Variants in ABRAXAS2 observed in about 807,000 individuals in gnomAD.
ABRAXAS2 encodes the protein abraxas 2, BRISC complex subunit.
Under a neutral mutation model 49.0 loss-of-function variants are expected in ABRAXAS2, and 23 were observed. The ratio of observed to expected loss-of-function variants is 0.47; its 90% CI spans 0.34 to 0.66. The LOEUF is 0.66. ABRAXAS2 is among the 30% of genes least tolerant of loss of function. The pLI, the probability that ABRAXAS2 is intolerant of heterozygous loss-of-function variation, is 0.01. For synonymous variants in ABRAXAS2, 168 were observed against 180.2 expected (o/e 0.93, Z 0.54); for missense variants, 443 against 511.9 (o/e 0.87, Z 1.30).
chr10:124,822,030 G>A (rs1214830862), intron 4 of ABRAXAS2, among the ~76,000 whole-genome samples: 28 of 152,160 alleles, frequency 1.8e-4, no homozygotes, highest in Non-Finnish European at 2.9e-5. Flanking sequence ...ATTTGCTTAA[G>A]GTCATCAGCA....
intron 7 of ABRAXAS2, among the ~76,000 whole-genome samples, 169 bp from the exon 8 acceptor site, chr10:124,831,180 A>T (rs1950929996): frequency 6.6e-6 from 1 of 152,246 alleles, no homozygotes; most frequent in African/African-American, 2.4e-5. Flanking sequence ...ATCAGTGAAT[A>T]ATAACAATTC....
intron 2 of ABRAXAS2, among the ~76,000 whole-genome samples, chr10:124,810,389 T>A (rs1460352424): frequency 2.6e-5 from 4 of 151,960 alleles, no homozygotes; most frequent in Non-Finnish European, 5.9e-5. Flanking sequence ...TAGCCAGGCG[T>A]GGTGTTGTGC....
chr10:124,809,491 G>C (rs866854328), intron 2 of ABRAXAS2, among the ~76,000 whole-genome samples: 30 of 151,756 alleles, frequency 2.0e-4, no homozygotes, highest in African/African-American at 7.0e-4. Context: ...TCTCCATGTT[G>C]GTCGGGCTAG....
chr10:124,832,198 A>G (rs151240889), intron 8 of ABRAXAS2, among the ~76,000 whole-genome samples: 1 of 152,040 alleles, frequency 6.6e-6, no homozygotes, highest in East Asian at 1.9e-4. Flanking sequence ...GGAGCTACCA[A>G]ATATTCTTTT....
chr10:124,805,259 G>C, intron 1 of ABRAXAS2, among the ~76,000 whole-genome samples: 1 of 151,706 alleles, frequency 6.6e-6, no homozygotes, highest in African/African-American at 2.4e-5. Flanking sequence ...CGTGAACCCC[G>C]GGAGGCGGAG....
chr10:124,807,935 A>G (rs904101050), intron 2 of ABRAXAS2, among the ~76,000 whole-genome samples: 1 of 152,188 alleles, frequency 6.6e-6, no homozygotes, highest in Non-Finnish European at 1.5e-5. Context: ...ATTTGTTTAC[A>G]TGGGATATTT....
rs1172126569 is a variant in ABRAXAS2, at chr10:124,829,512, G to C, written c.663+35G>C. ...TTATTTATTAGTTTTCATCTTATTT[G>C]TCTTGCCCAAAAGCTTTTAATTCTA... On this transcript the variant is annotated intron_variant, in intron 7 of 8. Coordinates refer to ENST00000298492, the MANE Select transcript of ABRAXAS2 (RefSeq NM_032182.4). 4 of 1,402,936 alleles carry C rather than the reference G, an allele frequency of 2.9e-6. No individual in the cohort carries two copies. In the African/African-American group the frequency reaches 5.7e-5, roughly 20 times the overall value. 86.9% of individuals were successfully genotyped at this position (1,402,936 alleles called of 1,614,324 possible). A position where few individuals can be genotyped will look rare whatever the true frequency, so the allele number is the denominator to read the frequency against.
Position 124,812,322 on chromosome 10 carries a change from TA to T in ABRAXAS2, c.164-4251del, listed in dbSNP as rs1339823855. Among the ~76,000 whole-genome samples the T allele has an allele frequency of 2.0e-5, 3 of 152,276 alleles. No homozygotes were observed. In the East Asian group the frequency reaches 5.8e-4, roughly 29 times the overall value. On this transcript the variant is annotated intron_variant, in intron 2 of 8. Coordinates refer to ENST00000298492, the MANE Select transcript of ABRAXAS2 (RefSeq NM_032182.4). ...GACAAAACGTTTACTAGTATTATCTTAAATGTGTTGTTCCCATTGTAACATT... is the reference window on the plus strand; with the variant it reads ...GACAAAACGTTTACTAGTATTATCTTAATGTGTTGTTCCCATTGTAACATT...
rs776709234 is a variant in ABRAXAS2 at position 124,826,761 on chromosome 10, A to G, written c.434A>G (p.Tyr145Cys). The change falls in exon 5 of 9, where the codon TAT becomes TGT. Residue 145 changes from tyrosine to cysteine, a missense_variant. Physicochemically the swap from Tyr to Cys is radical, Grantham distance 194. Transcript: ENST00000298492. ...AACAATTCCACTCACGCTTTAGAAT[A>G]TGTGCTCTTCAGACCAAATAGAAGG... Reference protein sequence around the residue: ...TANNSTHALEYVLFRPNRRYN... With the variant: ...TANNSTHALECVLFRPNRRYN... 4 of 1,614,072 alleles carry G rather than the reference A, an allele frequency of 2.5e-6. No homozygotes were observed. The highest frequency in any genetic ancestry group is 2.5e-6 in the Non-Finnish European group (3 of 1,180,042).
At chr10:124,832,863 A>G (rs1386690380) in intron 8 of ABRAXAS2, among the ~76,000 whole-genome samples, 1 of 148,998 alleles carries the variant, frequency 6.7e-6, no homozygotes, top group African/African-American at 2.5e-5. Flanking sequence ...AATAAAATAA[A>G]GAGGCCGGGC....
intron 6 of ABRAXAS2, 141 bp from the exon 7 acceptor site, chr10:124,829,252 G>A: frequency 1.6e-6 from 1 of 633,956 alleles, no homozygotes; most frequent in Non-Finnish European, 2.8e-6. Flanking sequence ...TAATTCTTGT[G>A]GTATGGGCAT....
chr10:124,819,871 C>T (rs1950850743), intron 4 of ABRAXAS2, among the ~76,000 whole-genome samples: 1 of 151,722 alleles, frequency 6.6e-6, no homozygotes, highest in South Asian at 2.1e-4. Context: ...ATATGATGTT[C>T]TAGTTATGTG....
intron 1 of ABRAXAS2, among the ~76,000 whole-genome samples, chr10:124,803,403 C>T (rs890653528): frequency 6.6e-6 from 1 of 152,192 alleles, no homozygotes; most frequent in African/African-American, 2.4e-5. Flanking sequence ...GAAGAACCAA[C>T]AATTTACTTT....
rs560793837 is a variant in ABRAXAS2, at chr10:124,828,361, ATTAT to A, written c.459-375_459-372del. On this transcript the variant is annotated intron_variant, in intron 5 of 8. Transcript: ENST00000298492. ...CCACCACGCATGCCCTTTTTAAAAAATTATTTATTTATTTATTTATTTAGAGATA... is the reference window on the plus strand; with the variant it reads ...CCACCACGCATGCCCTTTTTAAAAAATTATTTATTTATTTATTTAGAGATA... Among the ~76,000 whole-genome samples, 38 of 151,736 alleles carry A rather than the reference ATTAT, an allele frequency of 2.5e-4. No individual in the cohort carries two copies. The South Asian group carries it at 6.3e-3, about 25-fold the overall frequency.
At chr10:124,819,235 T>A (rs373831293) in intron 3 of ABRAXAS2, 149 bp from the exon 4 acceptor site, 2 of 539,944 alleles carry the variant, frequency 3.7e-6, no homozygotes, top group South Asian at 3.2e-5. Context: ...AGAAAAACAT[T>A]TGGACTGATT....
intron 2 of ABRAXAS2, among the ~76,000 whole-genome samples, chr10:124,815,892 CTTTTTTTTTTT>C (rs34730970): frequency 1.2e-4 from 11 of 94,668 alleles, no homozygotes; most frequent in African/African-American, 4.1e-4. Flanking sequence ...GTCCTCGCAG[CTTTTTTTTTTT>C]TTTTTTTTTT....
chr10:124,814,762 T>G (rs903560692), intron 2 of ABRAXAS2, among the ~76,000 whole-genome samples: 4 of 152,084 alleles, frequency 2.6e-5, no homozygotes, highest in African/African-American at 9.7e-5. Context: ...CAGTTCTGCC[T>G]CAGCCTCCCG....
intron 8 of ABRAXAS2, among the ~76,000 whole-genome samples, chr10:124,833,291 A>T (rs563798303): frequency 1.2e-3 from 166 of 136,906 alleles, no homozygotes; most frequent in African/African-American, 4.4e-3. Flanking sequence ...ACATGGCAAA[A>T]CCCCATCTCT....
chr10:124,822,125 G>A (rs1950865362), intron 4 of ABRAXAS2, among the ~76,000 whole-genome samples: 2 of 152,184 alleles, frequency 1.3e-5, no homozygotes, highest in Admixed American at 1.3e-4. Context: ...TATTTTGTAG[G>A]GGGGATTTTG....
Sources: gnomAD v4.1 joint callset for allele counts (sites outside exome capture counted in the v4.1 genomes callset) on GRCh38, gnomAD v4.1.1 for gene constraint, MANE v1.5 for transcripts, NCBI Gene and HGNC (gene_info 2026-07-23, HGNC 2026-07-21) for gene names.